Variants in NAALADL2 observed in about 807,000 individuals in gnomAD.
NAALADL2 encodes inactive N-acetylated-alpha-linked acidic dipeptidase-like protein 2.
A neutral mutation model predicts 87.2 loss-of-function variants in NAALADL2; 76 were observed. The observed-to-expected ratio is 0.87, with a 90% CI of 0.72 to 1.05. The LOEUF (loss-of-function observed/expected upper bound fraction) is 1.05, where lower values mean the gene tolerates loss of function less well. NAALADL2 is among the 50% of genes least tolerant of loss of function. The pLI, the probability that NAALADL2 is intolerant of heterozygous loss-of-function variation, is 0.00. For synonymous variants in NAALADL2, 354 were observed against 331.0 expected, an observed-to-expected ratio of 1.07 and a Z score of -0.75; for missense variants, 1,089 against 945.8, an observed-to-expected ratio of 1.15 and a Z score of -1.99.
intron 1 of NAALADL2, among the ~76,000 whole-genome samples, chr3:174,992,835 T>C (rs986775499): frequency 2.0e-5 from 3 of 152,146 alleles, no homozygotes; most frequent in Admixed American, 6.6e-5. Flanking sequence ...AAGTATTACA[T>C]TACAGAGAAA....
chr3:174,733,296 G>T (rs1170481106), intron 2 of NAALADL2, among the ~76,000 whole-genome samples: 2 of 152,186 alleles, frequency 1.3e-5, no homozygotes, highest in Non-Finnish European at 2.9e-5. Context: ...CTTTAACAAT[G>T]AATTTCAATG....
intron 5 of NAALADL2, among the ~76,000 whole-genome samples, chr3:175,368,317 C>CT (rs1282532246): frequency 3.9e-5 from 6 of 151,992 alleles, no homozygotes; most frequent in Non-Finnish European, 7.4e-5. Flanking sequence ...CTAAAATTCT[C>CT]TTTTTTGGTT....
At chr3:175,616,966 G>A (rs573412538) in intron 10 of NAALADL2, among the ~76,000 whole-genome samples, 1 of 152,182 alleles carries the variant, frequency 6.6e-6, no homozygotes, top group South Asian at 2.1e-4. Context: ...CAAGCTTCTG[G>A]ATTAATGTCT....
chr3:174,596,011 C>G (rs1240631695), intron 2 of NAALADL2, among the ~76,000 whole-genome samples: 1 of 151,122 alleles, frequency 6.6e-6, no homozygotes, highest in African/African-American at 2.5e-5. Context: ...AATTCCATCT[C>G]AAAAACAAAC....
At chr3:175,413,593 A>T (rs1254053575) in intron 5 of NAALADL2, among the ~76,000 whole-genome samples, 2 of 150,798 alleles carry the variant, frequency 1.3e-5, no homozygotes, top group African/African-American at 4.9e-5. Context: ...AATCCCAAAC[A>T]TGTGCTATAT....
chr3:174,644,155 T>C (rs1370933993), intron 2 of NAALADL2, among the ~76,000 whole-genome samples: 1 of 152,224 alleles, frequency 6.6e-6, no homozygotes, highest in Non-Finnish European at 1.5e-5. Context: ...GATATTGGTA[T>C]GGGTTAGACA....
intron 3 of NAALADL2, among the ~76,000 whole-genome samples, chr3:174,762,142 AT>A (rs1318127856): frequency 6.7e-6 from 1 of 150,014 alleles, no homozygotes; most frequent in South Asian, 2.1e-4. Flanking sequence ...TGGGGAAGTG[AT>A]TTTTTCTATA....
intron 7 of NAALADL2, among the ~76,000 whole-genome samples, chr3:175,465,095 CTATT>C (rs1177915881): frequency 6.6e-6 from 1 of 151,838 alleles, no homozygotes. Flanking sequence ...AAAAAATTGA[CTATT>C]TAATTAGCCG....
chr3:174,624,743 A>G (rs541670469), intron 2 of NAALADL2, among the ~76,000 whole-genome samples: 154 of 152,300 alleles, frequency 1.0e-3, no homozygotes, highest in African/African-American at 3.6e-3. Flanking sequence ...AGGTAGGATT[A>G]CCATTTTCAT....
At chr3:174,909,695 C>G (rs925020522) in intron 1 of NAALADL2, among the ~76,000 whole-genome samples, 1 of 152,080 alleles carries the variant, frequency 6.6e-6, no homozygotes, top group African/African-American at 2.4e-5. Flanking sequence ...ATAATTTGAT[C>G]TCTTCCTACT....
intron 5 of NAALADL2, among the ~76,000 whole-genome samples, chr3:175,389,720 C>G (rs1581692500): frequency 6.6e-6 from 1 of 152,140 alleles, no homozygotes; most frequent in Admixed American, 6.6e-5. Flanking sequence ...TAAAGTCAAC[C>G]CTTTGGAAAA....
chr3:175,605,871 T>C (rs1231311454), intron 10 of NAALADL2, among the ~76,000 whole-genome samples: 1 of 152,134 alleles, frequency 6.6e-6, no homozygotes, highest in Non-Finnish European at 1.5e-5. Context: ...GAGCATATAC[T>C]CAGGGTGAAT....
At chr3:174,630,547 G>C (rs76291206) in intron 2 of NAALADL2, among the ~76,000 whole-genome samples, 1 of 152,106 alleles carries the variant, frequency 6.6e-6, no homozygotes, top group African/African-American at 2.4e-5. Flanking sequence ...CATGGTTCAC[G>C]GTTACCTTTT....
intron 1 of NAALADL2, among the ~76,000 whole-genome samples, chr3:174,495,956 C>G (rs1718509287): frequency 6.6e-6 from 1 of 152,100 alleles, no homozygotes; most frequent in African/African-American, 2.4e-5. Context: ...CAGCAGCAAC[C>G]TATGGATCTG....
chr3:175,016,375 C>T (rs1189522442), intron 1 of NAALADL2, among the ~76,000 whole-genome samples: 1 of 150,522 alleles, frequency 6.6e-6, no homozygotes. Context: ...TATCTATTGA[C>T]AAGGAAAGAT....
intron 4 of NAALADL2, among the ~76,000 whole-genome samples, chr3:175,290,188 T>C (rs1044291334): frequency 6.6e-6 from 1 of 152,202 alleles, no homozygotes; most frequent in Non-Finnish European, 1.5e-5. Context: ...CTATAATTTC[T>C]AGTCCTGGGT....
intron 1 of NAALADL2, among the ~76,000 whole-genome samples, chr3:174,972,956 A>G (rs188621592): frequency 6.7e-6 from 1 of 148,242 alleles, no homozygotes; most frequent in East Asian, 2.0e-4. Flanking sequence ...AGATCGTGCC[A>G]TTGCACTCCA....
chr3:175,482,446 T>C (rs6797973), intron 9 of NAALADL2, among the ~76,000 whole-genome samples: 91,610 of 151,446 alleles, frequency 0.6, 29,763 homozygotes, highest in East Asian at 0.89. Flanking sequence ...GTGCGGTCTT[T>C]TAATCTGTCA....
rs149341656 is a variant in NAALADL2, at chr3:175,632,902, G to C, written c.1896+5516G>C. On this transcript the variant is annotated intron_variant, in intron 11 of 13. Transcript: ENST00000454872. Reference sequence around the variant, plus strand: ...TGAAAAATAATTAGATTAAATAAAAGTTCAATTTCTCAGTGGCATTAGCCA... The same window carrying C: ...TGAAAAATAATTAGATTAAATAAAACTTCAATTTCTCAGTGGCATTAGCCA... Among the ~76,000 whole-genome samples, 627 of 152,160 alleles carry C rather than the reference G, an allele frequency of 4.1e-3. 1 individual carries two copies. Among genetic ancestry groups the C allele is most frequent in the Non-Finnish European group, 6.3e-3 (425 of 67,978 alleles).
Sources: allele counts gnomAD v4.1 joint callset (sites outside exome capture counted in the v4.1 genomes callset), GRCh38; gene constraint gnomAD v4.1.1; transcripts MANE v1.5; gene names NCBI Gene and HGNC (gene_info 2026-07-23, HGNC 2026-07-21).